CCT6B: variants seen among roughly 807,000 people sequenced by gnomAD.
CCT6B encodes the protein chaperonin containing TCP1 subunit 6B.
CCT6B carries 49 observed loss-of-function variants against 61.5 expected under a neutral mutation model. The ratio of observed to expected loss-of-function variants is 0.80; its 90% CI spans 0.63 to 1.01. CCT6B has a LOEUF of 1.01. Among genes scored for constraint, CCT6B ranks in the 50% least tolerant of loss-of-function variants. The probability of loss-of-function intolerance (pLI) is 0.00; values close to 1 mark genes in which losing one functional copy is unlikely to be tolerated. For synonymous variants in CCT6B, 228 were observed against 214.5 expected (o/e 1.06, Z -0.55); for missense variants, 666 against 634.7 (o/e 1.05, Z -0.53).
chr17:34,955,543 T>C (rs1405294683), intron 3 of CCT6B, among the ~76,000 whole-genome samples: 1 of 152,200 alleles, frequency 6.6e-6, no homozygotes, highest in Non-Finnish European at 1.5e-5. Context: ...GTAAAAAGTA[T>C]ACAGGAATTC....
chr17:34,960,079 C>T (rs1299729381), intron 1 of CCT6B, among the ~76,000 whole-genome samples: 1 of 152,130 alleles, frequency 6.6e-6, no homozygotes, highest in Non-Finnish European at 1.5e-5. Context: ...CTTGAATCTG[C>T]CACCTTCTCT....
intron 10 of CCT6B, among the ~76,000 whole-genome samples, chr17:34,933,639 T>C (rs113457777): frequency 2.0e-3 from 312 of 152,314 alleles, no homozygotes; most frequent in Non-Finnish European, 3.1e-3. Context: ...AATGTATCCA[T>C]GTACCTACCA....
Position 34,932,233 on chromosome 17 carries a change from T to C in CCT6B, c.1347+134A>G, listed in dbSNP as rs1464491125. On this transcript the variant is annotated intron_variant, in intron 11 of 13. Transcript: ENST00000314144. ...GTTTCCCTGCTTTAGTTGTAAAATA[T>C]CTAAGAGAAAACTGTGTAAGGAAAT... is the stretch of plus-strand genomic sequence containing the variant. 1.8e-5 allele frequency: 14 copies of C among 779,808 alleles called. No homozygotes were observed. The East Asian group carries it at 3.8e-4, about 21-fold the overall frequency. The allele number at this position is 779,808 out of a possible 1,614,324, so 48.3% of individuals were successfully genotyped here. A position where few individuals can be genotyped will look rare whatever the true frequency, so the allele number is the denominator to read the frequency against.
intron 4 of CCT6B, among the ~76,000 whole-genome samples, chr17:34,953,813 G>C (rs1039414098): frequency 2.6e-5 from 4 of 151,960 alleles, no homozygotes; most frequent in African/African-American, 9.7e-5. Flanking sequence ...AATTAGCCAG[G>C]CGTGGTGGCA....
chr17:34,951,709 A>C (rs2090293652), intron 5 of CCT6B, among the ~76,000 whole-genome samples: 1 of 152,162 alleles, frequency 6.6e-6, no homozygotes, highest in Admixed American at 6.5e-5. Context: ...TTATCAGAGT[A>C]GTCTTCCCTG....
At chr17:34,931,806 T>C (rs1441436913) in intron 11 of CCT6B, among the ~76,000 whole-genome samples, 1 of 152,202 alleles carries the variant, frequency 6.6e-6, no homozygotes, top group East Asian at 1.9e-4. Flanking sequence ...AGTTTTACTA[T>C]ATTTCTAAGG....
intron 5 of CCT6B, among the ~76,000 whole-genome samples, chr17:34,945,010 A>G (rs2090208149): frequency 6.6e-6 from 1 of 152,252 alleles, no homozygotes; most frequent in Non-Finnish European, 1.5e-5. Context: ...TCAGCAGCAT[A>G]TGACACAGCT....
At chr17:34,951,778 T>C (rs1021245983) in intron 5 of CCT6B, among the ~76,000 whole-genome samples, 172 bp downstream of exon 5, 3 of 152,160 alleles carry the variant, frequency 2.0e-5, no homozygotes, top group Non-Finnish European at 2.9e-5. Context: ...CATAAACTTC[T>C]TGGGGAAAGA....
At chr17:34,931,570 A>G (rs2142134239) in intron 11 of CCT6B, among the ~76,000 whole-genome samples, 1 of 152,174 alleles carries the variant, frequency 6.6e-6, no homozygotes, top group East Asian at 1.9e-4. Flanking sequence ...GCCCCAAATC[A>G]CCAGCTGATG....
At chr17:34,954,727 T>C in intron 3 of CCT6B, 128 bp from the exon 4 acceptor site, 1 of 672,904 alleles carries the variant, frequency 1.5e-6, no homozygotes, top group Non-Finnish European at 2.4e-6. Flanking sequence ...GTGTACATAA[T>C]TTATAAAAGT....
rs538370335 is a variant in CCT6B at position 34,961,199 on chromosome 17, G to A, written c.137+58C>T. On this transcript the variant is annotated intron_variant, in intron 1 of 13. Coordinates refer to ENST00000314144, the MANE Select transcript of CCT6B (RefSeq NM_006584.4). Reference sequence around the variant, plus strand: ...GCTACGCGGACGCCTGCCTCAGAGGGCGACAGGACACCAACGGGCCCCTAG... The same window carrying A: ...GCTACGCGGACGCCTGCCTCAGAGGACGACAGGACACCAACGGGCCCCTAG... The A allele has an allele frequency of 1.4e-4, 216 of 1,543,724 alleles. No homozygotes were observed. The Middle Eastern group carries it at 1.6e-3, about 12-fold the overall frequency.
chr17:34,944,335 T>C (rs563826228), intron 5 of CCT6B: 15 of 152,522 alleles, frequency 9.8e-5, no homozygotes, highest in African/African-American at 2.9e-4. Context: ...TCTACTTGTG[T>C]ACTGGATTCC....
rs528691788 is a variant in CCT6B at position 34,948,115 on chromosome 17, T to G, written c.614+3835A>C. Among the ~76,000 whole-genome samples the G allele has an allele frequency of 2.5e-3, 387 of 152,240 alleles. 1 individual carries two copies. Among genetic ancestry groups the G allele is most frequent in the East Asian group, 4.1e-3 (21 of 5,178 alleles). On this transcript the variant is annotated intron_variant, in intron 5 of 13. Transcript: ENST00000314144. ...TTGGTTACATGACTAAGTTCTTTAGTGGTGATTTCTTAGATTTCGGTGCAC... is the reference window on the plus strand; with the variant it reads ...TTGGTTACATGACTAAGTTCTTTAGGGGTGATTTCTTAGATTTCGGTGCAC...
chr17:34,928,274 CT>C (rs778522093), intron 13 of CCT6B, among the ~76,000 whole-genome samples, 157 bp from the exon 14 acceptor site: 238 of 145,026 alleles, frequency 1.6e-3, no homozygotes, highest in African/African-American at 3.2e-3. Flanking sequence ...CAAATGTCAC[CT>C]TTTTTTTTTT....
chr17:34,947,802 T>C (rs2090241518), intron 5 of CCT6B, among the ~76,000 whole-genome samples: 1 of 151,864 alleles, frequency 6.6e-6, no homozygotes, highest in African/African-American at 2.4e-5. Context: ...GCCAACATGG[T>C]GAAACCACGT....
chr17:34,932,416 G>C lies in CCT6B; in HGVS notation c.1298C>G (p.Ala433Gly), dbSNP rs149590779. Residue 433 changes from alanine (A) to glycine (G), a missense_variant, in exon 11 of 14, where the codon GCT becomes GGT. Physicochemically the swap from Ala to Gly is moderately conservative, Grantham distance 60. Coordinates refer to ENST00000314144, the MANE Select transcript of CCT6B (RefSeq NM_006584.4). ...AGCAAAAGCTTGGACTCCAAGACGAGCTCTTCCTTTTATACTGTTCTTATA... is the reference window on the plus strand; with the variant it reads ...AGCAAAAGCTTGGACTCCAAGACGACCTCTTCCTTTTATACTGTTCTTATA... ...VTYKNSIKGR[A>G]RLGVQAFADA... is the part of the protein sequence containing the mutation. 1 of 1,612,048 alleles carries C rather than the reference G, an allele frequency of 6.2e-7. No individual in the cohort carries two copies. Among genetic ancestry groups the C allele is most frequent in the African/African-American group, 1.3e-5 (1 of 74,856 alleles).
chr17:34,939,800 T>A, intron 8 of CCT6B, 87 bp from the exon 9 acceptor site: 6 of 841,066 alleles, frequency 7.1e-6, no homozygotes, highest in South Asian at 7.0e-5. Context: ...TGCAGAAGAC[T>A]GTATTGTTAC....
chr17:34,932,440 T>C lies in CCT6B; in HGVS notation c.1274A>G (p.Tyr425Cys), dbSNP rs201630669. ...EVAMAEALVTYKNSIKGRARL... is the reference protein window; with the variant it reads ...EVAMAEALVTCKNSIKGRARL... ...AGCTCTTCCTTTTATACTGTTCTTA[T>C]ATGTAACAAGAGCTTCAGCCATTGC... The change falls in exon 11 of 14, where the codon TAT becomes TGT. Residue 425 changes from tyrosine to cysteine, a missense_variant. Tyr to Cys is a radical substitution (Grantham distance 194). Transcript: ENST00000314144. The C allele has an allele frequency of 1.2e-5, 20 of 1,612,664 alleles. No individual in the cohort carries two copies. The Admixed American group carries it at 1.5e-4, about 12-fold the overall frequency.
At chr17:34,937,050 T>C (rs556782265) in intron 10 of CCT6B, among the ~76,000 whole-genome samples, 22 of 152,166 alleles carry the variant, frequency 1.4e-4, no homozygotes, top group African/African-American at 5.1e-4. Flanking sequence ...TCCAGCTACT[T>C]GGGAAGCTAA....
Sources: allele counts gnomAD v4.1 joint callset (sites outside exome capture counted in the v4.1 genomes callset), GRCh38; gene constraint gnomAD v4.1.1; transcripts MANE v1.5; gene names NCBI Gene and HGNC (gene_info 2026-07-23, HGNC 2026-07-21).